The following FBXO11 variants were observed in gnomAD, a reference collection of about 807,000 sequenced individuals.
The protein encoded by FBXO11 is F-box only protein 11.
Under a neutral mutation model 117.0 loss-of-function variants are expected in FBXO11, and 13 were observed. That is an observed-to-expected ratio of 0.11 (90% CI 0.07 to 0.18). The LOEUF (loss-of-function observed/expected upper bound fraction) is 0.18. Among genes scored for constraint, FBXO11 ranks in the 10% least tolerant of loss-of-function variants. The probability of loss-of-function intolerance (pLI) is 1.00; values close to 1 mark genes in which losing one functional copy is unlikely to be tolerated. For synonymous variants in FBXO11, 490 were observed against 380.5 expected (o/e 1.29, Z -3.35); for missense variants, 767 against 1,164.4 (o/e 0.66, Z 4.97).
intron 18 of FBXO11, chr2:47,813,029 C>T (rs1480512497): frequency 1.7e-6 from 1 of 581,028 alleles, no homozygotes; most frequent in East Asian, 3.1e-5. Flanking sequence ...CAACTGCAGA[C>T]TCAAAGTGGC....
At chr2:47,840,436 CT>C (rs1172308717) in intron 1 of FBXO11, among the ~76,000 whole-genome samples, 3 of 148,854 alleles carry the variant, frequency 2.0e-5, no homozygotes, top group Non-Finnish European at 3.0e-5. Flanking sequence ...AGAGGGTAGT[CT>C]GGTGTATGAA....
At chr2:47,832,925 A>G (rs116262759) in intron 8 of FBXO11, 39 bp downstream of exon 8, 161 of 1,604,336 alleles carry the variant, frequency 1.0e-4, no homozygotes, top group Non-Finnish European at 1.3e-4. Context: ...TACTGCCTTT[A>G]TGATTTCAAT....
intron 1 of FBXO11, among the ~76,000 whole-genome samples, chr2:47,873,767 G>GC (rs1325155756): frequency 6.6e-6 from 1 of 152,034 alleles, no homozygotes; most frequent in Non-Finnish European, 1.5e-5. Flanking sequence ...GTGGGTTTAT[G>GC]CCTTTTAAAA....
At chr2:47,816,111 A>G (rs1272049838) in intron 16 of FBXO11, among the ~76,000 whole-genome samples, 1 of 152,214 alleles carries the variant, frequency 6.6e-6, no homozygotes, top group Non-Finnish European at 1.5e-5. Context: ...CTCTGCCAGT[A>G]CTACAATTTT....
rs145348225 is a variant in FBXO11, at chr2:47,878,964, T to TCAAAACAAAACAAAA, written c.232+26510_232+26524dup. ...ACTGCACTCCAAGCGAAACTCTGTCTCAAAACAAAACAAAACAAAAAAGCC... is the reference window on the plus strand; with the variant it reads ...ACTGCACTCCAAGCGAAACTCTGTCTCAAAACAAAACAAAACAAAACAAAACAAAACAAAAAAGCC... On this transcript the variant is annotated intron_variant, in intron 1 of 22. Transcript: ENST00000403359. 3.3e-3 allele frequency among the ~76,000 whole-genome samples: 500 copies of TCAAAACAAAACAAAA among 151,928 alleles called. 1 individual carries two copies. Among genetic ancestry groups the TCAAAACAAAACAAAA allele is most frequent in the African/African-American group, 0.011 (435 of 41,414 alleles).
intron 18 of FBXO11, chr2:47,812,774 G>C (rs1670716804): frequency 4.8e-6 from 1 of 208,642 alleles, no homozygotes; most frequent in Non-Finnish European, 9.7e-6. Context: ...AAAGTGAGTT[G>C]ACCTTTATGA....
At chr2:47,862,836 C>T (rs1227232944) in intron 1 of FBXO11, among the ~76,000 whole-genome samples, 2 of 152,064 alleles carry the variant, frequency 1.3e-5, no homozygotes, top group African/African-American at 4.8e-5. Context: ...GGACAGATCA[C>T]CTGAGGTCAG....
intron 1 of FBXO11, among the ~76,000 whole-genome samples, chr2:47,891,867 T>C (rs1036610734): frequency 2.0e-5 from 3 of 152,200 alleles, no homozygotes; most frequent in African/African-American, 7.2e-5. Flanking sequence ...CCCTGATGAT[T>C]AATGATGTTG....
intron 11 of FBXO11, among the ~76,000 whole-genome samples, chr2:47,826,669 C>A (rs1337142399): frequency 1.3e-5 from 2 of 151,862 alleles, no homozygotes; most frequent in African/African-American, 2.4e-5. Flanking sequence ...AATATGACTT[C>A]TTTGCTGCAC....
chr2:47,854,253 G>A (rs1345676427), intron 1 of FBXO11, among the ~76,000 whole-genome samples: 1 of 151,098 alleles, frequency 6.6e-6, no homozygotes, highest in Non-Finnish European at 1.5e-5. Flanking sequence ...GCTGTCCCCA[G>A]GACTTTTTTT....
At chr2:47,856,823 G>A (rs1028758627) in intron 1 of FBXO11, among the ~76,000 whole-genome samples, 1 of 152,210 alleles carries the variant, frequency 6.6e-6, no homozygotes, top group Non-Finnish European at 1.5e-5. Context: ...AACTGAAACA[G>A]TACAATGTAA....
chr2:47,905,238 T>C (rs1347617927), intron 1 of FBXO11: 1 of 253,226 alleles, frequency 3.9e-6, no homozygotes, highest in African/African-American at 2.2e-5. Flanking sequence ...TGGAGGGTGC[T>C]GAGCCCCCGA....
intron 1 of FBXO11, among the ~76,000 whole-genome samples, chr2:47,864,560 C>T (rs1448682201): frequency 6.6e-6 from 1 of 152,136 alleles, no homozygotes; most frequent in Admixed American, 6.5e-5. Flanking sequence ...GCACTCCAGG[C>T]TGGACGACAA....
intron 1 of FBXO11, among the ~76,000 whole-genome samples, chr2:47,900,605 TACACACGTATATACACACGTATACACAC>T (rs1678057382): frequency 8.9e-6 from 1 of 112,204 alleles, no homozygotes; most frequent in Non-Finnish European, 2.1e-5. Flanking sequence ...TACACACGTA[TACACACGTATATACACACGTATACACAC>T]ACGTACGTAT....
rs1445694485 is a variant in FBXO11 at position 47,819,174 on chromosome 2, T to C, written c.1798-96A>G. On this transcript the variant is annotated intron_variant, in intron 14 of 22. Transcript: ENST00000403359. ...TTATAGACAGTTAAAAAATTTTCCA[T>C]TTTTGTTTTTTCATCCGAGTAAGGA... The C allele has an allele frequency of 2.2e-5, 28 of 1,292,686 alleles. 1 individual carries two copies. The highest frequency in any genetic ancestry group is 3.0e-5 in the Non-Finnish European group (28 of 945,368). 80.1% of individuals were successfully genotyped at this position (1,292,686 alleles called of 1,614,324 possible).
At chr2:47,823,109 A>T (rs778211810) in intron 12 of FBXO11, 34 bp downstream of exon 12, 3 of 1,501,930 alleles carry the variant, frequency 2.0e-6, no homozygotes, top group Non-Finnish European at 2.7e-6. Context: ...TTGAAGTGAA[A>T]AAGTAATTTT....
In FBXO11 at chr2:47,905,586, AGGCTGCTGCTGGGGC is replaced by A. The variant is rs747252806; in HGVS notation, c.120_134del (p.Gln42_Pro46del). 3,137 of 1,249,950 alleles carry A rather than the reference AGGCTGCTGCTGGGGC, an allele frequency of 2.5e-3. 6 individuals are homozygous for A. Among genetic ancestry groups the A allele is most frequent in the East Asian group, 9.3e-3 (287 of 30,924 alleles). The allele number at this position is 1,249,950 out of a possible 1,614,324, so 77.4% of individuals were successfully genotyped here. A position where few individuals can be genotyped will look rare whatever the true frequency, so the allele number is the denominator to read the frequency against. ...GCTGCTGCTGCTGCGGCGGCGGCGG[AGGCTGCTGCTGGGGC>A]GGCTGCTGCTGGGGCGGCTGCGGCG... On this transcript the variant is annotated inframe_deletion, in exon 1 of 23. Transcript: ENST00000403359.
intron 1 of FBXO11, among the ~76,000 whole-genome samples, chr2:47,902,715 G>T (rs1379607921): frequency 6.6e-6 from 1 of 151,960 alleles, no homozygotes; most frequent in Non-Finnish European, 1.5e-5. Flanking sequence ...ATATTATACT[G>T]TAACTATTTT....
chr2:47,827,943 T>TGC (rs1453591414), intron 11 of FBXO11, among the ~76,000 whole-genome samples: 1 of 151,884 alleles, frequency 6.6e-6, no homozygotes, highest in Non-Finnish European at 1.5e-5. Flanking sequence ...GTGATCCACC[T>TGC]GCCTCAGCCT....
Sources: allele counts gnomAD v4.1 joint callset (sites outside exome capture counted in the v4.1 genomes callset), GRCh38; gene constraint gnomAD v4.1.1; transcripts MANE v1.5; gene names NCBI Gene and HGNC (gene_info 2026-07-23, HGNC 2026-07-21).